SDK1: variants seen among roughly 807,000 people sequenced by gnomAD.
SDK1 encodes sidekick cell adhesion molecule 1.
Under a neutral mutation model 245.5 loss-of-function variants are expected in SDK1, and 157 were observed. The ratio of observed to expected loss-of-function variants is 0.64; its 90% CI spans 0.56 to 0.73. SDK1 has a LOEUF of 0.73. Among genes scored for constraint, SDK1 ranks in the 30% least tolerant of loss-of-function variants. The pLI is 0.00. For synonymous variants in SDK1, 1,647 were observed against 1,278.5 expected, an observed-to-expected ratio of 1.29 and a Z score of -6.15; for missense variants, 3,583 against 3,002.3, an observed-to-expected ratio of 1.19 and a Z score of -4.52.
rs868369002 is a variant in SDK1 at position 4,221,343 on chromosome 7, G to A, written c.5806G>A (p.Val1936Met). 7 of 1,611,176 alleles carry A rather than the reference G, an allele frequency of 4.3e-6. No individual in the cohort carries two copies. The highest frequency in any genetic ancestry group is 1.6e-4 in the Middle Eastern group (1 of 6,070). Reference protein sequence around the residue: ...HSGDTPTTGYVIEARPSDEGL... With the variant: ...HSGDTPTTGYMIEARPSDEGL... ...TGGCGACACACCTACCACGGGCTAT[G>A]TGATCGAGGCCCGGCCCTCAGGTAG... Residue 1936 changes from valine to methionine, a missense_variant, in exon 40 of 45, where the codon GTG becomes ATG. Val to Met is a conservative substitution (Grantham distance 21). Transcript: ENST00000404826.
chr7:3,911,985 G>A (rs1454321702), intron 5 of SDK1, among the ~76,000 whole-genome samples: 1 of 152,126 alleles, frequency 6.6e-6, no homozygotes. Flanking sequence ...GCATTCTAGG[G>A]AAGGGGCCAA....
chr7:3,342,056 C>G (rs1780362361), intron 1 of SDK1, among the ~76,000 whole-genome samples: 1 of 152,102 alleles, frequency 6.6e-6, no homozygotes, highest in African/African-American at 2.4e-5. Context: ...TCAAGATACA[C>G]AGATCAATGC....
At chr7:3,313,029 A>G (rs1455464104) in intron 1 of SDK1, among the ~76,000 whole-genome samples, 1 of 152,188 alleles carries the variant, frequency 6.6e-6, no homozygotes, top group African/African-American at 2.4e-5. Flanking sequence ...GCAGAAGATG[A>G]TTGAATAATA....
intron 4 of SDK1, among the ~76,000 whole-genome samples, chr7:3,760,649 C>T (rs1030741400): frequency 1.3e-5 from 2 of 152,112 alleles, no homozygotes; most frequent in Non-Finnish European, 1.5e-5. Flanking sequence ...TTTTAGACTT[C>T]AGGGATTTTG....
At chr7:4,110,504 G>C (rs182754113) in intron 22 of SDK1, among the ~76,000 whole-genome samples, 159 bp from the exon 23 acceptor site, 1 of 152,162 alleles carries the variant, frequency 6.6e-6, no homozygotes, top group Non-Finnish European at 1.5e-5. Flanking sequence ...GTATCTCCAA[G>C]GCACAAGAGG....
chr7:4,059,911 G>C (rs887680020), intron 19 of SDK1, among the ~76,000 whole-genome samples: 7 of 140,954 alleles, frequency 5.0e-5, no homozygotes, highest in African/African-American at 1.6e-4. Context: ...ACGGAGTCTT[G>C]CTCTGTCGCC....
chr7:3,881,295 G>A (rs1426768086), intron 5 of SDK1, among the ~76,000 whole-genome samples: 6 of 151,750 alleles, frequency 4.0e-5, no homozygotes, highest in South Asian at 2.1e-4. Context: ...TTGTTCCCCC[G>A]CCATGTGTCC....
At chr7:3,625,741 A>T (rs1286483592) in intron 2 of SDK1, among the ~76,000 whole-genome samples, 1 of 152,174 alleles carries the variant, frequency 6.6e-6, no homozygotes, top group Non-Finnish European at 1.5e-5. Context: ...TAGCTCAAGC[A>T]TTGGTAAGCA....
chr7:3,616,999 T>A (rs1220173124), intron 1 of SDK1, among the ~76,000 whole-genome samples: 1 of 152,230 alleles, frequency 6.6e-6, no homozygotes, highest in East Asian at 1.9e-4. Context: ...CTAGATTATC[T>A]GGATTTAAAT....
chr7:3,972,330 C>A (rs781353568), intron 12 of SDK1, among the ~76,000 whole-genome samples: 3 of 152,252 alleles, frequency 2.0e-5, no homozygotes, highest in African/African-American at 7.2e-5. Flanking sequence ...CCACCTGTCT[C>A]GGCCTCCCAA....
intron 5 of SDK1, among the ~76,000 whole-genome samples, chr7:3,853,691 CA>C (rs1780472799): frequency 6.6e-6 from 1 of 151,946 alleles, no homozygotes; most frequent in African/African-American, 2.4e-5. Context: ...CGTTGGTGCT[CA>C]AAAAGCTTTG....
At chr7:4,176,439 G>A (rs1012826401) in intron 34 of SDK1, among the ~76,000 whole-genome samples, 16 of 152,088 alleles carry the variant, frequency 1.1e-4, no homozygotes, top group African/African-American at 3.9e-4. Context: ...AAGATGCTAG[G>A]GCTATAGGCG....
At chr7:4,094,716 G>A (rs1340664099) in intron 22 of SDK1, among the ~76,000 whole-genome samples, 1 of 152,184 alleles carries the variant, frequency 6.6e-6, no homozygotes, top group East Asian at 1.9e-4. Context: ...TTGACATCGG[G>A]ATTGCAGCGA....
intron 1 of SDK1, among the ~76,000 whole-genome samples, chr7:3,524,870 G>T (rs1783068099): frequency 6.6e-6 from 1 of 152,074 alleles, no homozygotes; most frequent in South Asian, 2.1e-4. Flanking sequence ...GAATGTACTG[G>T]GTGCAGTGAG....
intron 5 of SDK1, among the ~76,000 whole-genome samples, chr7:3,909,611 A>C (rs1779084758): frequency 6.6e-6 from 1 of 151,904 alleles, no homozygotes; most frequent in African/African-American, 2.4e-5. Flanking sequence ...CACTCATCAC[A>C]TGTGTGTCCG....
At chr7:3,387,494 C>G (rs1781638689) in intron 1 of SDK1, among the ~76,000 whole-genome samples, 1 of 152,222 alleles carries the variant, frequency 6.6e-6, no homozygotes, top group Admixed American at 6.5e-5. Flanking sequence ...ATAACAGAAT[C>G]TGACACTTCC....
intron 4 of SDK1, among the ~76,000 whole-genome samples, chr7:3,655,272 A>G (rs1783127143): frequency 6.6e-6 from 1 of 151,030 alleles, no homozygotes; most frequent in African/African-American, 2.4e-5. Flanking sequence ...TGTCTCTACT[A>G]AAAATACAAA....
intron 1 of SDK1, among the ~76,000 whole-genome samples, chr7:3,424,695 G>C (rs1451796036): frequency 6.6e-6 from 1 of 152,036 alleles, no homozygotes; most frequent in Non-Finnish European, 1.5e-5. Context: ...CCGGGAGTTC[G>C]AGACCAGCCT....
chr7:3,877,682 A>C (rs1248501096), intron 5 of SDK1, among the ~76,000 whole-genome samples: 2 of 152,266 alleles, frequency 1.3e-5, no homozygotes, highest in African/African-American at 2.4e-5. Flanking sequence ...GTTAACTTTT[A>C]AAGCATATCT....
Sources: allele counts gnomAD v4.1 joint callset (sites outside exome capture counted in the v4.1 genomes callset), GRCh38; gene constraint gnomAD v4.1.1; transcripts MANE v1.5; gene names NCBI Gene and HGNC (gene_info 2026-07-23, HGNC 2026-07-21).